Variants in PARD3 observed in about 807,000 individuals in gnomAD.
PARD3 encodes partitioning defective 3 homolog.
A neutral mutation model predicts 155.4 loss-of-function variants in PARD3; 75 were observed. The observed-to-expected ratio is 0.48, with a 90% CI of 0.40 to 0.58. The LOEUF (loss-of-function observed/expected upper bound fraction) is 0.58, where lower values mean the gene tolerates loss of function less well. PARD3 is among the 20% of genes least tolerant of loss of function. The probability of loss-of-function intolerance (pLI) is 0.00; values close to 1 mark genes in which losing one functional copy is unlikely to be tolerated. For synonymous variants in PARD3, 576 were observed against 610.5 expected, an observed-to-expected ratio of 0.94 and a Z score of 0.83; for missense variants, 1,642 against 1,721.7, an observed-to-expected ratio of 0.95 and a Z score of 0.82.
chr10:34,497,406 A>C (rs189456745), intron 3 of PARD3, among the ~76,000 whole-genome samples: 1 of 152,192 alleles, frequency 6.6e-6, no homozygotes, highest in African/African-American at 2.4e-5. Flanking sequence ...AAACTATTAC[A>C]CAATTTTAAA....
rs7080384 is a variant in PARD3 at position 34,452,475 on chromosome 10, T to C, written c.583-2027A>G. Among the ~76,000 whole-genome samples the C allele has an allele frequency of 3.1e-3, 468 of 152,320 alleles. 2 individuals are homozygous for C. Among genetic ancestry groups the C allele is most frequent in the African/African-American group, 0.011 (446 of 41,570 alleles). Reference sequence around the variant, plus strand: ...GATAGATAACTGGATATTTGCATAGTGACAAAATATCACTTGAAAAGAAAA... The same window carrying C: ...GATAGATAACTGGATATTTGCATAGCGACAAAATATCACTTGAAAAGAAAA... On this transcript the variant is annotated intron_variant, in intron 4 of 24. Coordinates refer to ENST00000374788, the MANE Select transcript of PARD3 (RefSeq NM_001184785.2).
chr10:34,716,034 C>G lies in PARD3; in HGVS notation c.121-19615G>C, dbSNP rs1182520516. On this transcript the variant is annotated intron_variant, in intron 1 of 24. Transcript: ENST00000374788. ...CCATCTGGTCAGTTTCAAATACAGA[C>G]ATCCATTTAAAATAGGAGAATTTTA... is the stretch of plus-strand genomic sequence containing the variant. 2.6e-5 allele frequency among the ~76,000 whole-genome samples: 4 copies of G among 152,182 alleles called. No individual in the cohort carries two copies. In the South Asian group the frequency reaches 8.3e-4, roughly 32 times the overall value.
chr10:34,371,164 A>G (rs916618966), intron 12 of PARD3, among the ~76,000 whole-genome samples: 5 of 152,026 alleles, frequency 3.3e-5, no homozygotes, highest in African/African-American at 9.7e-5. Context: ...AGAGTAGTAT[A>G]AATTGCTATT....
chr10:34,360,815 G>A (rs942480530), intron 12 of PARD3, among the ~76,000 whole-genome samples: 3 of 152,106 alleles, frequency 2.0e-5, no homozygotes, highest in Admixed American at 2.0e-4. Context: ...ACAAAGTAGA[G>A]ATATACAACA....
At chr10:34,373,603 A>C (rs1347140429) in intron 11 of PARD3, among the ~76,000 whole-genome samples, 1 of 152,024 alleles carries the variant, frequency 6.6e-6, no homozygotes, top group Admixed American at 6.6e-5. Context: ...TTTTAAGCAC[A>C]AAATTGGATA....
intron 22 of PARD3, among the ~76,000 whole-genome samples, chr10:34,172,053 T>TC (rs1233866852): frequency 6.6e-6 from 1 of 151,632 alleles, no homozygotes; most frequent in Admixed American, 6.6e-5. Flanking sequence ...TTTCTCTTTT[T>TC]CCCAATCTCT....
At chr10:34,127,646 C>T (rs1008501439) in intron 23 of PARD3, among the ~76,000 whole-genome samples, 6 of 152,120 alleles carry the variant, frequency 3.9e-5, no homozygotes, top group African/African-American at 1.4e-4. Flanking sequence ...TCCACATTCC[C>T]AGGCAAAGTC....
At chr10:34,531,263 G>C (rs2082831806) in intron 2 of PARD3, among the ~76,000 whole-genome samples, 1 of 152,120 alleles carries the variant, frequency 6.6e-6, no homozygotes, top group Admixed American at 6.5e-5. Flanking sequence ...TGTTTAGGCA[G>C]ACACTCTTTC....
chr10:34,430,057 C>A (rs2132522594), intron 5 of PARD3, among the ~76,000 whole-genome samples: 1 of 152,332 alleles, frequency 6.6e-6, no homozygotes, highest in East Asian at 1.9e-4. Flanking sequence ...TTACAAAAAG[C>A]AGCTTAGCCA....
chr10:34,612,420 G>A (rs568187355), intron 2 of PARD3, among the ~76,000 whole-genome samples: 18 of 152,090 alleles, frequency 1.2e-4, no homozygotes, highest in Admixed American at 2.0e-4. Context: ...CTAATACAAC[G>A]GAAGGTTAAA....
At chr10:34,671,005 C>T (rs748271407) in intron 2 of PARD3, among the ~76,000 whole-genome samples, 6 of 152,220 alleles carry the variant, frequency 3.9e-5, no homozygotes, top group Non-Finnish European at 4.4e-5. Context: ...ACTCCAGAGT[C>T]ATCGGACAGA....
intron 15 of PARD3, chr10:34,346,389 G>A: frequency 7.5e-7 from 1 of 1,331,236 alleles, no homozygotes; most frequent in Non-Finnish European, 1.0e-6. Flanking sequence ...TTGGAGGCAG[G>A]ACGCAGGTTA....
At chr10:34,202,801 CT>C (rs1274410828) in intron 22 of PARD3, among the ~76,000 whole-genome samples, 1 of 152,188 alleles carries the variant, frequency 6.6e-6, no homozygotes. Context: ...TAATATGTTG[CT>C]TTCCTGGCAA....
intron 23 of PARD3, among the ~76,000 whole-genome samples, chr10:34,128,647 T>C (rs1947422855): frequency 6.6e-6 from 1 of 152,192 alleles, no homozygotes; most frequent in Non-Finnish European, 1.5e-5. Context: ...GTAGTACTGC[T>C]TCTCCCATTT....
At chr10:34,495,094 C>T (rs746853458) in intron 3 of PARD3, among the ~76,000 whole-genome samples, 15 of 152,096 alleles carry the variant, frequency 9.9e-5, no homozygotes, top group South Asian at 2.1e-4. Flanking sequence ...CACTCAATTT[C>T]GCAGGGGGCA....
chr10:34,331,274 G>A lies in PARD3; in HGVS notation c.2676C>T (p.Thr892=), dbSNP rs749243525. ...KKSSSLESLQ[T]AVAEVTLNGD... ...CATTCAAAGTCACCTCGGCAACTGC[G>A]GTCTGCAGACTCTCCAACGAGCTTG... Residue 892 remains threonine, a synonymous_variant, in exon 19 of 25, where the codon ACC becomes ACT. Coordinates refer to ENST00000374788, the MANE Select transcript of PARD3 (RefSeq NM_001184785.2). The A allele has an allele frequency of 2.1e-5, 34 of 1,613,758 alleles. No individual in the cohort carries two copies. Among genetic ancestry groups the A allele is most frequent in the South Asian group, 3.3e-5 (3 of 91,072 alleles).
At chr10:34,421,554 A>C (rs2132425900) in intron 5 of PARD3, among the ~76,000 whole-genome samples, 2 of 152,222 alleles carry the variant, frequency 1.3e-5, no homozygotes, top group South Asian at 4.1e-4. Context: ...CGGTCTGTTA[A>C]AGTGAAAATC....
At chr10:34,539,618 G>A (rs555788360) in intron 2 of PARD3, among the ~76,000 whole-genome samples, 4 of 152,100 alleles carry the variant, frequency 2.6e-5, no homozygotes, top group Admixed American at 2.0e-4. Context: ...CCGAGATCAC[G>A]ACACTGCACT....
At position 34,359,217 on chromosome 10, in the gene PARD3, A is replaced by G. The variant is rs764252856; in HGVS notation, c.1997T>C (p.Met666Thr). Reference sequence around the variant, plus strand: ...TCCTCGTTTATTGCCTTCAGTAGACATAGACCTTCTTAGGGTTTCCATGGC... The same window carrying G: ...TCCTCGTTTATTGCCTTCAGTAGACGTAGACCTTCTTAGGGTTTCCATGGC... ...QDAMETLRRS[M>T]STEGNKRGMI... The change falls in exon 14 of 25, where the codon ATG becomes ACG. Residue 666 changes from methionine (M) to threonine (T), a missense_variant. Met to Thr is a moderately conservative substitution (Grantham distance 81). Around this residue, in one of 3 missense-constraint regions of PARD3, gnomAD observed 1,529 missense variants for 1,587.3 expected, o/e 0.96. Transcript: ENST00000374788. 2.5e-6 allele frequency: 4 copies of G among 1,613,930 alleles called. No individual in the cohort carries two copies. In the South Asian group the frequency reaches 3.3e-5, roughly 13 times the overall value.
Sources: allele counts gnomAD v4.1 joint callset (sites outside exome capture counted in the v4.1 genomes callset), GRCh38; gene constraint gnomAD v4.1.1; regional missense constraint gnomAD v4.1.1; transcripts MANE v1.5; gene names NCBI Gene and HGNC (gene_info 2026-07-23, HGNC 2026-07-21).